ABCC1: variants seen among roughly 807,000 people sequenced by gnomAD.
The protein encoded by ABCC1 is ATP binding cassette subfamily C member 1 (ABCC1 blood group), also known as multidrug resistance-associated protein 1.
ABCC1 carries 83 observed loss-of-function variants against 172.9 expected under a neutral mutation model. That is an observed-to-expected ratio of 0.48 (90% CI 0.40 to 0.58). The LOEUF (loss-of-function observed/expected upper bound fraction) is 0.58, where lower values mean the gene tolerates loss of function less well. Among genes scored for constraint, ABCC1 ranks in the 20% least tolerant of loss-of-function variants. ABCC1 has a pLI of 0.00. For missense variants in ABCC1, 1,817 were observed against 2,002.7 expected, an observed-to-expected ratio of 0.91 and a Z score of 1.77; for synonymous variants, 937 against 825.2, an observed-to-expected ratio of 1.14 and a Z score of -2.32.
At chr16:16,011,004 C>A (rs770701159) in intron 3 of ABCC1, among the ~76,000 whole-genome samples, 3 of 152,038 alleles carry the variant, frequency 2.0e-5, no homozygotes, top group Non-Finnish European at 4.4e-5. Context: ...GAGGCTGAGG[C>A]GGGAGAATCA....
chr16:16,033,681 C>T (rs934182760), intron 6 of ABCC1, among the ~76,000 whole-genome samples: 1 of 151,938 alleles, frequency 6.6e-6, no homozygotes, highest in Non-Finnish European at 1.5e-5. Flanking sequence ...GAGTCTTACT[C>T]TGTCAGTCTC....
At chr16:16,031,317 T>C (rs2048551585) in intron 5 of ABCC1, among the ~76,000 whole-genome samples, 1 of 152,174 alleles carries the variant, frequency 6.6e-6, no homozygotes, top group Admixed American at 6.5e-5. Context: ...CTCTCTTCCC[T>C]CTGCTGCTAA....
intron 5 of ABCC1, among the ~76,000 whole-genome samples, chr16:16,027,726 T>A (rs1254107587): frequency 6.6e-6 from 1 of 152,076 alleles, no homozygotes; most frequent in Non-Finnish European, 1.5e-5. Flanking sequence ...GGTGGGAGGA[T>A]CACTTGAACC....
intron 12 of ABCC1, among the ~76,000 whole-genome samples, chr16:16,066,548 C>T (rs1447021805): frequency 6.6e-6 from 1 of 152,138 alleles, no homozygotes; most frequent in African/African-American, 2.4e-5. Flanking sequence ...AAGAATTTCA[C>T]TCCTTTTTAT....
In ABCC1 at chr16:16,115,067, C is replaced by A. The variant is rs1277349959; in HGVS notation, c.3381C>A (p.Phe1127Leu). 6.2e-7 allele frequency: 1 copy of A among 1,613,722 alleles called. No individual in the cohort carries two copies. Among genetic ancestry groups the A allele is most frequent in the Non-Finnish European group, 8.5e-7 (1 of 1,179,610 alleles). Reference protein sequence around the residue: ...IIIPPLGLIYFFVQRFYVASS... With the variant: ...IIIPPLGLIYLFVQRFYVASS... ...TCCCGCCCCTTGGCCTCATCTACTT[C>A]TTCGTCCAGGTAAGGGGTGAGGTCT... The change falls in exon 23 of 31, where the codon TTC (phenylalanine) becomes TTA (leucine). Residue 1127 changes from phenylalanine (F) to leucine (L), a missense_variant. Physicochemically the swap from Phe to Leu is conservative, Grantham distance 22. This residue lies in a region of ABCC1 where 1,412 missense variants were observed against 1,600.3 expected (regional missense o/e 0.88). Transcript: ENST00000399410.
chr16:15,975,197 C>A (rs956076574), intron 1 of ABCC1, among the ~76,000 whole-genome samples: 19 of 152,180 alleles, frequency 1.2e-4, no homozygotes, highest in Admixed American at 9.2e-4. Flanking sequence ...GAATGTAAGC[C>A]CCATGGCTAG....
chr16:15,971,086 A>G (rs2046358020), intron 1 of ABCC1, among the ~76,000 whole-genome samples: 1 of 152,228 alleles, frequency 6.6e-6, no homozygotes, highest in Non-Finnish European at 1.5e-5. Context: ...CCCTGTATAG[A>G]GACGGAGGAG....
Position 16,030,343 on chromosome 16 carries a change from G to A in ABCC1, c.616-2766G>A, listed in dbSNP as rs145542537. On this transcript the variant is annotated intron_variant, in intron 5 of 30. Coordinates refer to ENST00000399410, the MANE Select transcript of ABCC1 (RefSeq NM_004996.4). Reference sequence around the variant, plus strand: ...TCGAGACCAGCCTGTTCACCAACATGGTGAAACCCCATCTCTACTAAAGAT... The same window carrying A: ...TCGAGACCAGCCTGTTCACCAACATAGTGAAACCCCATCTCTACTAAAGAT... 5.6e-3 allele frequency among the ~76,000 whole-genome samples: 847 copies of A among 152,208 alleles called. 10 individuals carry two copies. Among genetic ancestry groups the A allele is most frequent in the African/African-American group, 0.02 (813 of 41,538 alleles).
chr16:16,061,511 T>C (rs2049910999), intron 12 of ABCC1, among the ~76,000 whole-genome samples: 1 of 152,174 alleles, frequency 6.6e-6, no homozygotes, highest in Admixed American at 6.5e-5. Flanking sequence ...AAGTGTCCCC[T>C]TGGGGGACAG....
chr16:16,004,492 A>T (rs894422667), intron 1 of ABCC1, among the ~76,000 whole-genome samples: 1 of 152,108 alleles, frequency 6.6e-6, no homozygotes, highest in Admixed American at 6.6e-5. Flanking sequence ...AATTAAAATA[A>T]TCAGTCTTTG....
rs1049009130 is a variant in ABCC1, at chr16:16,056,440, G to A, written c.1677+145G>A. 18 of 883,260 alleles carry A rather than the reference G, an allele frequency of 2.0e-5. No individual in the cohort carries two copies. The African/African-American group carries it at 2.7e-4, about 13-fold the overall frequency. The allele number at this position is 883,260 out of a possible 1,614,324, so 54.7% of individuals were successfully genotyped here. Reference sequence around the variant, plus strand: ...CCAGCACTCTGGGAGGCCAAAGCAGGTGGATCACCTGAGGTCAGGAGTTCA... The same window carrying A: ...CCAGCACTCTGGGAGGCCAAAGCAGATGGATCACCTGAGGTCAGGAGTTCA... On this transcript the variant is annotated intron_variant, in intron 12 of 30. Transcript: ENST00000399410.
intron 27 of ABCC1, among the ~76,000 whole-genome samples, chr16:16,133,444 C>T (rs1265375065): frequency 6.6e-6 from 1 of 151,978 alleles, no homozygotes; most frequent in African/African-American, 2.4e-5. Flanking sequence ...CACTCTGTCA[C>T]CCAGGCTGGA....
intron 1 of ABCC1, among the ~76,000 whole-genome samples, chr16:15,969,727 G>A (rs2046325289): frequency 6.6e-6 from 1 of 151,542 alleles, no homozygotes; most frequent in South Asian, 2.1e-4. Flanking sequence ...GGGGAAATTC[G>A]AGGCAAGACT....
chr16:16,138,402 T>A lies in ABCC1; in HGVS notation c.4331T>A (p.Leu1444Gln). 6.2e-7 allele frequency: 1 copy of A among 1,605,996 alleles called. No individual in the cohort carries two copies. The highest frequency in any genetic ancestry group is 8.5e-7 in the Non-Finnish European group (1 of 1,173,320). The change falls in exon 30 of 31, where the codon CTG (leucine) becomes CAG (glutamine). Residue 1444 changes from leucine to glutamine, a missense_variant. Leu to Gln is a moderately radical substitution (Grantham distance 113, BLOSUM62 -2). This residue lies in a region of ABCC1 where 1,412 missense variants were observed against 1,600.3 expected (regional missense o/e 0.88). Transcript: ENST00000399410. ...CAGCTTGTGTGCCTAGCCCGGGCCC[T>A]GCTGAGGAAGACGAAGATCCTTGTG... The part of the protein sequence containing the change: ...QRQLVCLARA[L>Q]LRKTKILVLD...
intron 10 of ABCC1, among the ~76,000 whole-genome samples, chr16:16,050,825 C>T (rs2049399948): frequency 6.6e-6 from 1 of 151,544 alleles, no homozygotes; most frequent in South Asian, 2.1e-4. Context: ...ATTGCTTGAG[C>T]CTAGGAGTGC....
intron 1 of ABCC1, among the ~76,000 whole-genome samples, chr16:15,971,031 A>G (rs1377212994): frequency 6.6e-6 from 1 of 152,154 alleles, no homozygotes; most frequent in Non-Finnish European, 1.5e-5. Context: ...AGGAGCAGAG[A>G]GTTTAATAGG....
At chr16:16,001,713 A>G (rs1204945728) in intron 1 of ABCC1, among the ~76,000 whole-genome samples, 1 of 152,126 alleles carries the variant, frequency 6.6e-6, no homozygotes, top group Non-Finnish European at 1.5e-5. Context: ...ACACAGAGAT[A>G]TTTTTCACTT....
intron 26 of ABCC1, among the ~76,000 whole-genome samples, chr16:16,128,619 C>T (rs2045543660): frequency 6.6e-6 from 1 of 152,130 alleles, no homozygotes; most frequent in South Asian, 2.1e-4. Flanking sequence ...CTCTCCATTC[C>T]GCTCACTGTG....
intron 5 of ABCC1, among the ~76,000 whole-genome samples, chr16:16,032,536 A>T (rs921439893): frequency 6.6e-6 from 1 of 152,130 alleles, no homozygotes; most frequent in African/African-American, 2.4e-5. Flanking sequence ...GGATGAACGA[A>T]TGAATGAAGT....
Sources: gnomAD v4.1 joint callset for allele counts (sites outside exome capture counted in the v4.1 genomes callset) on GRCh38, gnomAD v4.1.1 for gene constraint, gnomAD v4.1.1 regional missense constraint, MANE v1.5 for transcripts, NCBI Gene and HGNC (gene_info 2026-07-23, HGNC 2026-07-21) for gene names.